USP24: variants seen among roughly 807,000 people sequenced by gnomAD.
The protein encoded by USP24 is ubiquitin specific peptidase 24.
In USP24, 97 loss-of-function variants were observed where a neutral mutation model predicts 361.6. That is an observed-to-expected ratio of 0.27 (90% CI 0.23 to 0.32). The LOEUF is 0.32. Among genes scored for constraint, USP24 ranks in the 10% least tolerant of loss-of-function variants. The pLI is 1.00. For synonymous variants in USP24, 1,098 were observed against 1,124.6 expected (o/e 0.98, Z 0.47); for missense variants, 2,353 against 3,165.6 (o/e 0.74, Z 6.16).
intron 1 of USP24, among the ~76,000 whole-genome samples, chr1:55,180,293 A>G (rs1643924936): frequency 6.6e-6 from 1 of 152,146 alleles, no homozygotes; most frequent in Non-Finnish European, 1.5e-5. Flanking sequence ...TAGGTCATGA[A>G]AGGCACTACA....
chr1:55,154,765 G>C lies in USP24; in HGVS notation c.1460C>G (p.Ser487Cys). ...KIWKIQSGQS[S>C]TVIENIHTII... Reference sequence around the variant, plus strand: ...AGTATGAATGTTCTCAATCACAGTAGATGATTGTCCTGACTGGAAAAGGAA... The same window carrying C: ...AGTATGAATGTTCTCAATCACAGTACATGATTGTCCTGACTGGAAAAGGAA... The change falls in exon 13 of 68, where the codon TCT becomes TGT. Residue 487 changes from serine (S) to cysteine (C), a missense_variant. Ser to Cys is a moderately radical substitution (Grantham distance 112, BLOSUM62 -1). Transcript: ENST00000294383. 6.2e-7 allele frequency: 1 copy of C among 1,611,532 alleles called. No individual in the cohort carries two copies. The highest frequency in any genetic ancestry group is 8.5e-7 in the Non-Finnish European group (1 of 1,178,324).
At chr1:55,071,366 T>C (rs528891618) in intron 67 of USP24, 315 of 991,266 alleles carry the variant, frequency 3.2e-4, no homozygotes, top group Admixed American at 6.3e-4. Context: ...TTTTTAAAAA[T>C]ACATGTCAAA....
At chr1:55,197,250 T>A (rs1449862231) in intron 1 of USP24, among the ~76,000 whole-genome samples, 1 of 152,220 alleles carries the variant, frequency 6.6e-6, no homozygotes, top group East Asian at 1.9e-4. Flanking sequence ...CCCTACCCAC[T>A]GCTGTCCAGC....
chr1:55,082,051 G>C (rs989693187), intron 58 of USP24, among the ~76,000 whole-genome samples: 1 of 152,208 alleles, frequency 6.6e-6, no homozygotes, highest in Non-Finnish European at 1.5e-5. Context: ...CAGAGCACGT[G>C]ATGCTGTCAG....
At chr1:55,150,799 G>A (rs1440671921) in intron 16 of USP24, among the ~76,000 whole-genome samples, 2 of 152,130 alleles carry the variant, frequency 1.3e-5, no homozygotes, top group African/African-American at 4.8e-5. Context: ...TCTTATCTAT[G>A]ACGTGGTGAC....
chr1:55,093,665 CTGTT>C (rs1051638087), intron 52 of USP24: 20 of 310,814 alleles, frequency 6.4e-5, no homozygotes, highest in Admixed American at 4.0e-4. Flanking sequence ...CCCCACAACT[CTGTT>C]TATTTGTGAC....
chr1:55,108,628 C>T (rs1310572729), intron 39 of USP24, among the ~76,000 whole-genome samples: 1 of 152,174 alleles, frequency 6.6e-6, no homozygotes, highest in South Asian at 2.1e-4. Flanking sequence ...CCCGAGAATT[C>T]CCCTCACCTC....
chr1:55,133,546 C>A (rs1165237), intron 30 of USP24, among the ~76,000 whole-genome samples: 131,036 of 152,162 alleles, frequency 0.86, 56,518 homozygotes, highest in East Asian at 1. Flanking sequence ...CCAGTTCTGA[C>A]ACCTGATGTC....
At chr1:55,187,674 TAAAG>T (rs1479475018) in intron 1 of USP24, among the ~76,000 whole-genome samples, 5 of 151,910 alleles carry the variant, frequency 3.3e-5, no homozygotes, top group African/African-American at 1.2e-4. Flanking sequence ...AATCCTAAAA[TAAAG>T]AGAATAATTT....
chr1:55,158,936 A>G lies in USP24; in HGVS notation c.1169T>C (p.Ile390Thr), dbSNP rs1377697350. ...VTIVDDLRLDILLRMLKSPHF... is the reference protein window; with the variant it reads ...VTIVDDLRLDTLLRMLKSPHF... ...TGGTGATTTCAGCATGCGCAATAGA[A>G]TATCTAGTCGAAGGTCATCCACAAT... Residue 390 changes from isoleucine (I) to threonine (T), a missense_variant, in exon 10 of 68, where the codon ATT (isoleucine) becomes ACT (threonine). Physicochemically the swap from Ile to Thr is moderately conservative, Grantham distance 89. Coordinates refer to ENST00000294383, the MANE Select transcript of USP24 (RefSeq NM_015306.3). 1.3e-6 allele frequency: 2 copies of G among 1,597,358 alleles called. No homozygotes were observed. Among genetic ancestry groups the G allele is most frequent in the African/African-American group, 1.3e-5 (1 of 74,678 alleles).
At chr1:55,102,466 A>G (rs1320431988) in intron 42 of USP24, among the ~76,000 whole-genome samples, 3 of 152,222 alleles carry the variant, frequency 2.0e-5, no homozygotes, top group Non-Finnish European at 2.9e-5. Flanking sequence ...CTATTCAAAG[A>G]TCTTGGTTCT....
In USP24 at chr1:55,215,142, G is replaced by A. The variant is rs1644958004; in HGVS notation, c.-29C>T. ...TTGGGCCTCCTGGCCGCCCCGGCCA[G>A]CGCACGGCGAAGCTACGGGTCCCGG... On this transcript the variant is annotated 5_prime_UTR_variant, in exon 1 of 68. Transcript: ENST00000294383. The A allele has an allele frequency of 8.2e-7, 1 of 1,226,394 alleles. No homozygotes were observed. Among genetic ancestry groups the A allele is most frequent in the Non-Finnish European group, 1.0e-6 (1 of 979,778 alleles). The allele number at this position is 1,226,394 out of a possible 1,614,324, so 76.0% of individuals were successfully genotyped here.
intron 1 of USP24, among the ~76,000 whole-genome samples, chr1:55,200,726 TTC>T (rs765434884): frequency 1.3e-5 from 2 of 152,234 alleles, no homozygotes; most frequent in Non-Finnish European, 2.9e-5. Context: ...GTTTTCTCTT[TTC>T]TCTCTTTCCT....
At position 55,214,927 on chromosome 1, in the gene USP24, T is replaced by A; in HGVS notation, c.187A>T (p.Ser63Cys). Reference sequence around the variant, plus strand: ...CGCGGGCCCCCGCCGGGCCCGGGGCTGGGGCCACCGCCGCTGTCCATGGGC... The same window carrying A: ...CGCGGGCCCCCGCCGGGCCCGGGGCAGGGGCCACCGCCGCTGTCCATGGGC... Reference protein sequence around the residue: ...YEPMDSGGGPSPGPGGGPRGD... With the variant: ...YEPMDSGGGPCPGPGGGPRGD... The change falls in exon 1 of 68, where the codon AGC becomes TGC. Residue 63 changes from serine to cysteine, a missense_variant. Physicochemically the swap from Ser to Cys is moderately radical, Grantham distance 112 (BLOSUM62 -1). This residue lies in a region of USP24 where 253 missense variants were observed against 255.3 expected (regional missense o/e 0.99). Coordinates refer to ENST00000294383, the MANE Select transcript of USP24 (RefSeq NM_015306.3). 1 of 1,361,140 alleles carries A rather than the reference T, an allele frequency of 7.3e-7. No individual in the cohort carries two copies. The highest frequency in any genetic ancestry group is 2.6e-4 in the Middle Eastern group (1 of 3,868). 84.3% of individuals were successfully genotyped at this position (1,361,140 alleles called of 1,614,324 possible).
chr1:55,144,621 C>T (rs1165974939), intron 20 of USP24, among the ~76,000 whole-genome samples: 1 of 152,084 alleles, frequency 6.6e-6, no homozygotes, highest in African/African-American at 2.4e-5. Context: ...TAATTAGTCA[C>T]CAGAGAAGTG....
chr1:55,125,761 T>G lies in USP24; in HGVS notation c.3636-3A>C. 6.4e-7 allele frequency: 1 copy of G among 1,562,870 alleles called. No individual in the cohort carries two copies. The highest frequency in any genetic ancestry group is 8.7e-7 in the Non-Finnish European group (1 of 1,153,716). On this transcript the variant is annotated splice_polypyrimidine_tract_variant and splice_region_variant and intron_variant, in intron 32 of 67. Transcript: ENST00000294383. ...TCTGCATGACATTTACAACCAAACT[T>G]CAAAAAGAAGAAAAAAAGGCAGGAT...
At chr1:55,184,390 T>C (rs574467643) in intron 1 of USP24, among the ~76,000 whole-genome samples, 1 of 152,138 alleles carries the variant, frequency 6.6e-6, no homozygotes, top group Admixed American at 6.5e-5. Context: ...AAAAGGTTAA[T>C]CCATCAGGAA....
At chr1:55,167,584 T>C (rs1400905166) in intron 5 of USP24, among the ~76,000 whole-genome samples, 1 of 152,084 alleles carries the variant, frequency 6.6e-6, no homozygotes, top group Non-Finnish European at 1.5e-5. Flanking sequence ...TGGAATGGAA[T>C]AGATGAATGG....
intron 1 of USP24, among the ~76,000 whole-genome samples, chr1:55,199,933 C>T (rs147157991): frequency 3.9e-5 from 6 of 152,218 alleles, no homozygotes; most frequent in East Asian, 1.9e-4. Flanking sequence ...GAGCAAGTCA[C>T]GTCTTACATG....
Sources: allele counts gnomAD v4.1 joint callset (sites outside exome capture counted in the v4.1 genomes callset), GRCh38; gene constraint gnomAD v4.1.1; regional missense constraint gnomAD v4.1.1; transcripts MANE v1.5; gene names NCBI Gene and HGNC (gene_info 2026-07-23, HGNC 2026-07-21).